SCYL3: variants seen among roughly 807,000 people sequenced by gnomAD.
The protein encoded by SCYL3 is protein-associating with the carboxyl-terminal domain of ezrin.
Under a neutral mutation model 73.8 loss-of-function variants are expected in SCYL3, and 35 were observed. That is an observed-to-expected ratio of 0.47 (90% CI 0.36 to 0.63). The LOEUF (loss-of-function observed/expected upper bound fraction) is 0.63, where lower values mean the gene tolerates loss of function less well. SCYL3 is among the 20% of genes least tolerant of loss of function. The pLI is 0.00. For synonymous variants in SCYL3, 277 were observed against 295.2 expected, an observed-to-expected ratio of 0.94 and a Z score of 0.63; for missense variants, 712 against 798.9, an observed-to-expected ratio of 0.89 and a Z score of 1.31.
chr1:169,859,587 A>G (rs1312573717), intron 10 of SCYL3, among the ~76,000 whole-genome samples: 1 of 152,152 alleles, frequency 6.6e-6, no homozygotes, highest in Non-Finnish European at 1.5e-5. Context: ...CGCACTCAGA[A>G]CTCATCTAGG....
intron 7 of SCYL3, among the ~76,000 whole-genome samples, chr1:169,868,024 TGTCAA>T (rs1440651718): frequency 1.3e-5 from 2 of 152,204 alleles, no homozygotes; most frequent in Admixed American, 6.5e-5. Flanking sequence ...AATTTGTATT[TGTCAA>T]TTAAAAATAC....
In SCYL3 at chr1:169,854,655, G is replaced by C; in HGVS notation, c.1622C>G (p.Thr541Ser). The C allele has an allele frequency of 6.2e-7, 1 of 1,614,044 alleles. No individual in the cohort carries two copies. Among genetic ancestry groups the C allele is most frequent in the Non-Finnish European group, 8.5e-7 (1 of 1,179,970 alleles). The change falls in exon 12 of 13, where the codon ACC becomes AGC. Residue 541 changes from threonine (T) to serine (S), a missense_variant. Transcript: ENST00000367771. ...GGGITATKPV[T>S]SGEQKPIPAL... ...AGGAATAGGCTTCTGCTCCCCTGAGGTAACAGGTTTTGTAGCAGTGATTCC... is the reference window on the plus strand; with the variant it reads ...AGGAATAGGCTTCTGCTCCCCTGAGCTAACAGGTTTTGTAGCAGTGATTCC...
chr1:169,868,735 T>C (rs1660202308), intron 7 of SCYL3, among the ~76,000 whole-genome samples, 193 bp downstream of exon 7: 1 of 152,158 alleles, frequency 6.6e-6, no homozygotes, highest in African/African-American at 2.4e-5. Flanking sequence ...CTATCTATAA[T>C]AGGAAACTGA....
intron 11 of SCYL3, among the ~76,000 whole-genome samples, chr1:169,855,197 T>C (rs1376396004): frequency 6.6e-6 from 1 of 152,238 alleles, no homozygotes; most frequent in African/African-American, 2.4e-5. Context: ...ATGTAAGTAA[T>C]AACTAGTGCA....
intron 11 of SCYL3, 79 bp downstream of exon 11, chr1:169,858,962 A>G (rs1659415487): frequency 5.8e-6 from 7 of 1,216,018 alleles, no homozygotes; most frequent in Non-Finnish European, 8.2e-6. Context: ...ACTGAATATG[A>G]CCCTCCTACA....
At chr1:169,869,477 C>G (rs2102168404) in intron 6 of SCYL3, among the ~76,000 whole-genome samples, 1 of 152,302 alleles carries the variant, frequency 6.6e-6, no homozygotes, top group South Asian at 2.1e-4. Context: ...ACAATGGATG[C>G]CTTTGGGCCT....
Position 169,853,065 on chromosome 1 carries a change from T to G in SCYL3, c.*648A>C. On this transcript the variant is annotated 3_prime_UTR_variant, in exon 13 of 13. Transcript: ENST00000367771. ...ATGTCTGTACATTTTCTAACAGATA[T>G]AAAACAAATTTTGTAAAGTTGAATC... The G allele has an allele frequency of 7.1e-7, 1 of 1,414,006 alleles. No individual in the cohort carries two copies. 87.6% of individuals were successfully genotyped at this position (1,414,006 alleles called of 1,614,324 possible). A position where few individuals can be genotyped will look rare whatever the true frequency, so the allele number is the denominator to read the frequency against.
In SCYL3 at chr1:169,873,744, C is replaced by T. The variant is rs761569663; in HGVS notation, c.474G>A (p.Arg158=). The part of the protein sequence containing the change: ...KVSQATPEFL[R]SIQSIRDPAS... ...CTGGGTCTCTTATTGACTGAATACT[C>T]CTCAGAAACTAGACAGAGAAATAAA... The change falls in exon 5 of 13, where the codon AGG becomes AGA. Residue 158 remains arginine (R), a synonymous_variant. Coordinates refer to ENST00000367771, the MANE Select transcript of SCYL3 (RefSeq NM_020423.7). 3.7e-6 allele frequency: 6 copies of T among 1,601,088 alleles called. No homozygotes were observed. The highest frequency in any genetic ancestry group is 3.3e-5 in the Admixed American group (2 of 59,716).
intron 9 of SCYL3, among the ~76,000 whole-genome samples, chr1:169,863,744 G>A (rs2102153923): frequency 6.6e-6 from 1 of 152,214 alleles, no homozygotes. Context: ...TAAAGAGAAT[G>A]GTATCAAAGT....
intron 7 of SCYL3, 65 bp from the exon 8 acceptor site, chr1:169,867,038 A>G: frequency 1.2e-6 from 1 of 840,700 alleles, no homozygotes; most frequent in Non-Finnish European, 2.0e-6. Context: ...TTGAGGTCAT[A>G]ATCACAGACT....
intron 4 of SCYL3, 97 bp downstream of exon 4, chr1:169,875,881 G>T: frequency 1.7e-6 from 1 of 600,886 alleles, no homozygotes; most frequent in Non-Finnish European, 2.7e-6. Context: ...CCAAATCTAA[G>T]ACCAAGCTAA....
intron 3 of SCYL3, among the ~76,000 whole-genome samples, chr1:169,877,911 T>A (rs1660966202): frequency 1.3e-5 from 2 of 152,296 alleles, no homozygotes; most frequent in Admixed American, 1.3e-4. Context: ...TTGAAAAAAA[T>A]TTAAAAACAT....
At chr1:169,855,379 T>A (rs1659037700) in intron 11 of SCYL3, among the ~76,000 whole-genome samples, 1 of 152,216 alleles carries the variant, frequency 6.6e-6, no homozygotes, top group Non-Finnish European at 1.5e-5. Flanking sequence ...TTAAGAAATT[T>A]CCCTAAGTGT....
chr1:169,891,570 T>A (rs1013252767), intron 1 of SCYL3, among the ~76,000 whole-genome samples: 1 of 152,196 alleles, frequency 6.6e-6, no homozygotes, highest in African/African-American at 2.4e-5. Flanking sequence ...TCTGACCGTC[T>A]CTCTCTCACC....
chr1:169,850,445 T>A lies in SCYL3; in HGVS notation c.*3268A>T. 1 of 782,996 alleles carries A rather than the reference T, an allele frequency of 1.3e-6. No individual in the cohort carries two copies. Among genetic ancestry groups the A allele is most frequent in the Non-Finnish European group, 2.1e-6 (1 of 474,556 alleles). 48.5% of individuals were successfully genotyped at this position (782,996 alleles called of 1,614,324 possible). A position where few individuals can be genotyped will look rare whatever the true frequency, so the allele number is the denominator to read the frequency against. On this transcript the variant is annotated 3_prime_UTR_variant, in exon 13 of 13. Coordinates refer to ENST00000367771, the MANE Select transcript of SCYL3 (RefSeq NM_020423.7). ...ACCTGAGTGTCTTCTTAGCTTAAAC[T>A]TTTCACAGTGCTGAGCACAGTGCTG...
intron 2 of SCYL3, 55 bp downstream of exon 2, chr1:169,888,621 A>T (rs1661840900): frequency 7.0e-7 from 1 of 1,425,774 alleles, no homozygotes; most frequent in Non-Finnish European, 9.6e-7. Flanking sequence ...ATTTTTTTAA[A>T]AGAAAACAAG....
chr1:169,880,762 C>CTTTT (rs369829919), intron 2 of SCYL3, among the ~76,000 whole-genome samples: 3 of 138,522 alleles, frequency 2.2e-5, no homozygotes, highest in South Asian at 2.3e-4. Flanking sequence ...ATGAAGGCCA[C>CTTTT]TTTTTTTTTT....
rs765345738 is a variant in SCYL3 at position 169,878,640 on chromosome 1, A to G, written c.345T>C (p.His115=). ...YDILLALIFL[H]DRGHLTHNNV... ...GACTATACAGGTTACTTACTCTGTC[A>G]TGAAGGAAGATAAGAGCCAGCAATA... Residue 115 remains histidine, a synonymous_variant, in exon 3 of 13, where the codon CAT becomes CAC. Transcript: ENST00000367771. 1.2e-6 allele frequency: 2 copies of G among 1,611,890 alleles called. No homozygotes were observed. The highest frequency in any genetic ancestry group is 3.4e-5 in the Admixed American group (2 of 59,546).
chr1:169,869,200 T>A (rs534452493), intron 6 of SCYL3, 161 bp from the exon 7 acceptor site: 26 of 594,238 alleles, frequency 4.4e-5, no homozygotes, highest in African/African-American at 4.3e-4. Flanking sequence ...GCAAAACTCA[T>A]TGGCAGGTGT....
Sources: allele counts gnomAD v4.1 joint callset (sites outside exome capture counted in the v4.1 genomes callset), GRCh38; gene constraint gnomAD v4.1.1; transcripts MANE v1.5; gene names NCBI Gene and HGNC (gene_info 2026-07-23, HGNC 2026-07-21).